Variants in PTPRG observed in about 807,000 individuals in gnomAD.
The protein encoded by PTPRG is receptor-type tyrosine-protein phosphatase gamma.
Under a neutral mutation model 165.3 loss-of-function variants are expected in PTPRG, and 102 were observed. That is an observed-to-expected ratio of 0.62 (90% confidence interval 0.53 to 0.73). The LOEUF is 0.73. Ranked by LOEUF, PTPRG falls within the 30% of genes least tolerant of loss-of-function variation. The pLI, the probability that PTPRG is intolerant of heterozygous loss-of-function variation, is 0.00. For missense variants in PTPRG, 1,866 were observed against 1,861.4 expected (o/e 1.00, Z -0.05); for synonymous variants, 675 against 669.5 (o/e 1.01, Z -0.13).
At chr3:62,236,351 C>G (rs1385005335) in intron 14 of PTPRG, among the ~76,000 whole-genome samples, 1 of 152,212 alleles carries the variant, frequency 6.6e-6, no homozygotes. Flanking sequence ...TAATACAGCT[C>G]TCAATCATCT....
At chr3:61,979,360 T>C (rs553296800) in intron 2 of PTPRG, among the ~76,000 whole-genome samples, 21 of 152,368 alleles carry the variant, frequency 1.4e-4, no homozygotes, top group Admixed American at 3.9e-4. Context: ...TTTTGGTGAA[T>C]GCCTTGTTTG....
chr3:62,019,244 C>T (rs1017826583), intron 4 of PTPRG, among the ~76,000 whole-genome samples: 3 of 152,124 alleles, frequency 2.0e-5, no homozygotes, highest in African/African-American at 4.8e-5. Flanking sequence ...TTCCTCAGGC[C>T]GGATGTAGTA....
At chr3:61,853,504 G>C (rs936575363) in intron 2 of PTPRG, among the ~76,000 whole-genome samples, 3 of 152,194 alleles carry the variant, frequency 2.0e-5, no homozygotes, top group Admixed American at 2.0e-4. Context: ...CCATGTGATT[G>C]AACCACTTAG....
At chr3:61,572,352 C>T (rs1032141582) in intron 1 of PTPRG, among the ~76,000 whole-genome samples, 3 of 152,064 alleles carry the variant, frequency 2.0e-5, no homozygotes, top group African/African-American at 7.2e-5. Context: ...GCGTTTAAAA[C>T]TATCTAATGT....
At chr3:61,892,816 C>CAA (rs1311103826) in intron 2 of PTPRG, among the ~76,000 whole-genome samples, 76 of 120,676 alleles carry the variant, frequency 6.3e-4, no homozygotes, top group African/African-American at 2.2e-3. Flanking sequence ...AACTCTGTCT[C>CAA]AAAAAAAAAA....
At position 62,281,678 on chromosome 3, in the gene PTPRG, T is replaced by A. The variant is rs763525495; in HGVS notation, c.3881T>A (p.Ile1294Asn). The A allele has an allele frequency of 1.2e-6, 2 of 1,611,814 alleles. No individual in the cohort carries two copies. Among genetic ancestry groups the A allele is most frequent in the Non-Finnish European group, 1.7e-6 (2 of 1,178,746 alleles). Reference sequence around the variant, plus strand: ...TGCCTCTCTAATGAAGAACAAATTATCATCCATGACTTTATCCTTGAAGCT... The same window carrying A: ...TGCCTCTCTAATGAAGAACAAATTAACATCCATGACTTTATCCTTGAAGCT... ...RLCLSNEEQI[I>N]IHDFILEATQ... The change falls in exon 27 of 30, where the codon ATC (isoleucine) becomes AAC (asparagine). Residue 1294 changes from isoleucine to asparagine, a missense_variant. Around this residue, in one of 3 missense-constraint regions of PTPRG, gnomAD observed 1,452 missense variants for 1,463.0 expected, o/e 0.99. Coordinates refer to ENST00000474889, the MANE Select transcript of PTPRG (RefSeq NM_002841.4).
chr3:61,866,081 T>C (rs1191940972), intron 2 of PTPRG, among the ~76,000 whole-genome samples: 1 of 152,098 alleles, frequency 6.6e-6, no homozygotes, highest in African/African-American at 2.4e-5. Flanking sequence ...AGTTTTATAA[T>C]TGAACCAGGG....
At chr3:62,152,660 TTGAAC>T (rs149460528) in intron 6 of PTPRG, among the ~76,000 whole-genome samples, 1,681 of 152,350 alleles carry the variant, frequency 0.011, 29 homozygotes, top group African/African-American at 0.037. Flanking sequence ...GCTCTTCGAC[TTGAAC>T]TGAGATGGGG....
chr3:62,119,549 G>C (rs1475574628), intron 5 of PTPRG, among the ~76,000 whole-genome samples: 1 of 152,260 alleles, frequency 6.6e-6, no homozygotes, highest in East Asian at 1.9e-4. Flanking sequence ...TCCAGAGGTC[G>C]GCTGGGCCCA....
At chr3:61,924,249 C>T (rs1306217223) in intron 2 of PTPRG, among the ~76,000 whole-genome samples, 1 of 152,132 alleles carries the variant, frequency 6.6e-6, no homozygotes, top group African/African-American at 2.4e-5. Flanking sequence ...CCATGCAGAT[C>T]CTGACCTGCA....
At chr3:61,836,512 A>G (rs1339889483) in intron 2 of PTPRG, among the ~76,000 whole-genome samples, 1 of 152,216 alleles carries the variant, frequency 6.6e-6, no homozygotes, top group South Asian at 2.1e-4. Context: ...TATAGCAGCT[A>G]CTATTTACTA....
intron 2 of PTPRG, chr3:61,749,379 G>C: frequency 3.0e-6 from 1 of 335,460 alleles, no homozygotes; most frequent in Admixed American, 4.6e-5. Context: ...TCACATATCA[G>C]AATGCTCTAT....
At chr3:61,883,488 T>A (rs1030938124) in intron 2 of PTPRG, among the ~76,000 whole-genome samples, 2 of 152,154 alleles carry the variant, frequency 1.3e-5, no homozygotes, top group East Asian at 1.9e-4. Flanking sequence ...TAAGAGTCCT[T>A]ATTTAGTAAT....
chr3:62,257,716 A>G (rs1424762933), intron 16 of PTPRG, among the ~76,000 whole-genome samples: 2 of 152,166 alleles, frequency 1.3e-5, no homozygotes, highest in Non-Finnish European at 2.9e-5. Flanking sequence ...ACACTTTGGG[A>G]GAACAAGGTG....
chr3:61,570,418 A>T (rs950687802), intron 1 of PTPRG, among the ~76,000 whole-genome samples: 3 of 152,252 alleles, frequency 2.0e-5, no homozygotes, highest in Admixed American at 2.0e-4. Flanking sequence ...ATGAAAGCAT[A>T]GTTCATGGAA....
At chr3:61,656,902 TC>T (rs1429794473) in intron 1 of PTPRG, among the ~76,000 whole-genome samples, 1 of 152,220 alleles carries the variant, frequency 6.6e-6, no homozygotes, top group Non-Finnish European at 1.5e-5. Flanking sequence ...GGTGAACAAA[TC>T]CCTGCCTGCA....
chr3:62,132,627 T>C lies in PTPRG; in HGVS notation c.641T>C (p.Leu214Pro). Residue 214 changes from leucine (L) to proline (P), a missense_variant, in exon 6 of 30, where the codon CTG becomes CCG. Physicochemically the swap from Leu to Pro is moderately conservative, Grantham distance 98. Coordinates refer to ENST00000474889, the MANE Select transcript of PTPRG (RefSeq NM_002841.4). Reference protein sequence around the residue: ...FQVSPRDNSALDPIIHGLKGV... With the variant: ...FQVSPRDNSAPDPIIHGLKGV... ...GTCAGTCCGAGGGACAATTCTGCAC[T>C]GGATCCTATTATCCACGGGTTGAAG... 1.2e-6 allele frequency: 2 copies of C among 1,612,296 alleles called. No homozygotes were observed. Among genetic ancestry groups the C allele is most frequent in the Non-Finnish European group, 1.7e-6 (2 of 1,178,296 alleles).
chr3:62,016,404 G>C (rs2041545239), intron 4 of PTPRG, among the ~76,000 whole-genome samples: 1 of 152,106 alleles, frequency 6.6e-6, no homozygotes, highest in East Asian at 1.9e-4. Context: ...CTGACCTCGT[G>C]ATTCGCCTGC....
intron 5 of PTPRG, among the ~76,000 whole-genome samples, chr3:62,081,429 A>G (rs1176299502): frequency 6.6e-6 from 1 of 152,094 alleles, no homozygotes; most frequent in Admixed American, 6.6e-5. Flanking sequence ...TACAGCCTCC[A>G]ACTCCTGGGT....
Sources: allele counts gnomAD v4.1 joint callset (sites outside exome capture counted in the v4.1 genomes callset), GRCh38; gene constraint gnomAD v4.1.1; regional missense constraint gnomAD v4.1.1; transcripts MANE v1.5; gene names NCBI Gene and HGNC (gene_info 2026-07-23, HGNC 2026-07-21).